Variants in KIF26B observed in about 807,000 individuals in gnomAD.
The protein encoded by KIF26B is kinesin-like protein KIF26B.
Under a neutral mutation model 151.2 loss-of-function variants are expected in KIF26B, and 63 were observed. The observed-to-expected ratio is 0.42, with a 90% CI of 0.34 to 0.51. KIF26B has a LOEUF of 0.51. Among genes scored for constraint, KIF26B ranks in the 20% least tolerant of loss-of-function variants. The probability of loss-of-function intolerance (pLI) is 0.07; values close to 1 mark genes in which losing one functional copy is unlikely to be tolerated. For synonymous variants in KIF26B, 1,357 were observed against 1,262.1 expected, an observed-to-expected ratio of 1.08 and a Z score of -1.59; for missense variants, 2,813 against 2,913.6, an observed-to-expected ratio of 0.97 and a Z score of 0.79.
chr1:245,555,894 C>T (rs771870915), intron 5 of KIF26B, among the ~76,000 whole-genome samples: 10 of 152,088 alleles, frequency 6.6e-5, no homozygotes, highest in Non-Finnish European at 1.5e-4. Flanking sequence ...TTAGCAGTTT[C>T]CAGGGGGAGA....
Position 245,495,062 on chromosome 1 carries a change from G to T in KIF26B, c.1167-45705G>T, listed in dbSNP as rs1003443464. Among the ~76,000 whole-genome samples, 12 of 151,892 alleles carry T rather than the reference G, an allele frequency of 7.9e-5. No homozygotes were observed. The highest frequency in any genetic ancestry group is 3.9e-4 in the East Asian group (2 of 5,182). ...AAGAAAAGAAAAGAAATAAAGAAAA[G>T]AAAAGAAAGAGGAAATTCTGGAACT... is the stretch of plus-strand genomic sequence containing the variant. On this transcript the variant is annotated intron_variant, in intron 4 of 14. Coordinates refer to ENST00000407071, the MANE Select transcript of KIF26B (RefSeq NM_018012.4). This position sits in a 1 kb window ranked among gnomAD's most constrained non-coding sequence, Gnocchi z 4.2.
intron 4 of KIF26B, among the ~76,000 whole-genome samples, chr1:245,421,361 A>G (rs78465082): frequency 6.6e-6 from 1 of 152,306 alleles, no homozygotes; most frequent in East Asian, 1.9e-4. Flanking sequence ...GCTATTGTAT[A>G]AATGGAGACT....
intron 2 of KIF26B, among the ~76,000 whole-genome samples, chr1:245,268,806 C>T (rs1344261310): frequency 1.3e-5 from 2 of 152,164 alleles, no homozygotes; most frequent in African/African-American, 4.8e-5. Flanking sequence ...TCTGAGCCAA[C>T]ATTAAGGTGA....
Position 245,155,258 on chromosome 1 carries a change from C to T in KIF26B, c.-167C>T, listed in dbSNP as rs2103514221. 1 of 654,882 alleles carries T rather than the reference C, an allele frequency of 1.5e-6. No homozygotes were observed. Among genetic ancestry groups the T allele is most frequent in the Admixed American group, 2.9e-5 (1 of 34,482 alleles). The allele number at this position is 654,882 out of a possible 1,614,324, so 40.6% of individuals were successfully genotyped here. A position where few individuals can be genotyped will look rare whatever the true frequency, so the allele number is the denominator to read the frequency against. On this transcript the variant is annotated 5_prime_UTR_variant, in exon 1 of 15. Transcript: ENST00000407071. ...CCCTTTCTGCAAATTGGTGCTATTACTTGTGGGATCCATTTGCTTTCATTC... is the reference window on the plus strand; with the variant it reads ...CCCTTTCTGCAAATTGGTGCTATTATTTGTGGGATCCATTTGCTTTCATTC...
intron 3 of KIF26B, among the ~76,000 whole-genome samples, chr1:245,398,587 G>T (rs1673916581): frequency 6.6e-6 from 1 of 151,998 alleles, no homozygotes; most frequent in Admixed American, 6.6e-5. Context: ...TGGAGGGGTG[G>T]GTTGATGAGA....
At chr1:245,189,159 G>A (rs1360495508) in intron 2 of KIF26B, among the ~76,000 whole-genome samples, 1 of 152,196 alleles carries the variant, frequency 6.6e-6, no homozygotes, top group Non-Finnish European at 1.5e-5. Context: ...CGTACTGAAT[G>A]CCACTGCACA....
intron 3 of KIF26B, among the ~76,000 whole-genome samples, chr1:245,394,688 C>CTTTTTTT (rs900497785): frequency 3.2e-5 from 4 of 123,174 alleles, no homozygotes; most frequent in African/African-American, 1.4e-4. Flanking sequence ...TTTTTTCTTT[C>CTTTTTTT]TTTTTTTTTT....
At chr1:245,196,851 A>AT (rs1406253174) in intron 2 of KIF26B, among the ~76,000 whole-genome samples, 1 of 152,144 alleles carries the variant, frequency 6.6e-6, no homozygotes, top group Non-Finnish European at 1.5e-5. Context: ...CCACGGTCCT[A>AT]TTACCCCTAT....
rs546914009 is a variant in KIF26B at position 245,343,398 on chromosome 1, T to C, written c.466-23436T>C. Among the ~76,000 whole-genome samples, 9 of 152,232 alleles carry C rather than the reference T, an allele frequency of 5.9e-5. No homozygotes were observed. In the East Asian group the frequency reaches 1.7e-3, roughly 29 times the overall value. ...TTTCCTACCACAATTTATGTCTTTA[T>C]GAGGAATATCTCCATTCTGCCTCTG... is the stretch of plus-strand genomic sequence containing the variant. On this transcript the variant is annotated intron_variant, in intron 2 of 14. Coordinates refer to ENST00000407071, the MANE Select transcript of KIF26B (RefSeq NM_018012.4).
At chr1:245,591,622 C>T (rs781544988) in intron 5 of KIF26B, among the ~76,000 whole-genome samples, 1 of 152,184 alleles carries the variant, frequency 6.6e-6, no homozygotes, top group African/African-American at 2.4e-5. Context: ...TCACTGAGGT[C>T]GGAGTGGGTC....
At chr1:245,271,553 A>G (rs1670856507) in intron 2 of KIF26B, among the ~76,000 whole-genome samples, 2 of 149,232 alleles carry the variant, frequency 1.3e-5, no homozygotes, top group South Asian at 4.2e-4. Flanking sequence ...CAGTTCTTAT[A>G]ATGAAAGGAT....
intron 10 of KIF26B, among the ~76,000 whole-genome samples, chr1:245,672,481 G>GGCCTA (rs1331176739): frequency 6.6e-6 from 1 of 152,198 alleles, no homozygotes; most frequent in African/African-American, 2.4e-5. Flanking sequence ...CAACTGGCCT[G>GGCCTA]GCCTAATGAG....
At chr1:245,324,386 G>C (rs1671945735) in intron 2 of KIF26B, among the ~76,000 whole-genome samples, 1 of 152,178 alleles carries the variant, frequency 6.6e-6, no homozygotes, top group Admixed American at 6.5e-5. Context: ...ATTTTGAGAT[G>C]TCCTAGCTGG....
intron 2 of KIF26B, among the ~76,000 whole-genome samples, chr1:245,173,098 T>C (rs1201146984): frequency 6.6e-6 from 1 of 152,212 alleles, no homozygotes; most frequent in Non-Finnish European, 1.5e-5. Context: ...GCACAGGCTA[T>C]GACCTGGATG....
At chr1:245,261,664 A>G (rs990784100) in intron 2 of KIF26B, among the ~76,000 whole-genome samples, 1 of 151,896 alleles carries the variant, frequency 6.6e-6, no homozygotes, top group East Asian at 1.9e-4. Flanking sequence ...AGCTTACTGC[A>G]GCCTCTGCCT....
At chr1:245,269,900 C>T (rs964235748) in intron 2 of KIF26B, among the ~76,000 whole-genome samples, 1 of 152,114 alleles carries the variant, frequency 6.6e-6, no homozygotes, top group South Asian at 2.1e-4. Context: ...AGTGATGCAG[C>T]GAACATGGGA....
chr1:245,337,176 CTATT>C (rs1672251761), intron 2 of KIF26B, among the ~76,000 whole-genome samples: 4 of 99,338 alleles, frequency 4.0e-5, no homozygotes, highest in South Asian at 5.8e-4. Flanking sequence ...ATTTATTTAT[CTATT>C]TATTTATTTT....
rs1229781490 is a variant in KIF26B, at chr1:245,253,841, G to A, written c.465+97158G>A. On this transcript the variant is annotated intron_variant, in intron 2 of 14. Coordinates refer to ENST00000407071, the MANE Select transcript of KIF26B (RefSeq NM_018012.4). ...TTTTTTTTTTTTGAAACAGAGTCTC[G>A]CTCTGCTGCGCAGGCTGGAGTGCAG... Among the ~76,000 whole-genome samples the A allele has an allele frequency of 1.7e-3, 189 of 110,478 alleles. 6 individuals carry two copies. The highest frequency in any genetic ancestry group is 3.3e-3 in the Admixed American group (23 of 6,900). The allele number at this position is 110,478 out of a possible 152,430, so 72.5% of individuals were successfully genotyped here. A position where few individuals can be genotyped will look rare whatever the true frequency, so the allele number is the denominator to read the frequency against.
intron 4 of KIF26B, among the ~76,000 whole-genome samples, chr1:245,449,611 A>T (rs1424152285): frequency 6.6e-6 from 1 of 152,190 alleles, no homozygotes; most frequent in Non-Finnish European, 1.5e-5. Context: ...TGAGCTGGGA[A>T]GTGTGTTCAC....
Sources: gnomAD v4.1 joint callset for allele counts (sites outside exome capture counted in the v4.1 genomes callset) on GRCh38, gnomAD v4.1.1 for gene constraint, Gnocchi (gnomAD v3.1) non-coding constraint, MANE v1.5 for transcripts, NCBI Gene and HGNC (gene_info 2026-07-23, HGNC 2026-07-21) for gene names.